BTRC: variants seen among roughly 807,000 people sequenced by gnomAD.
The protein encoded by BTRC is F-box/WD repeat-containing protein 1A.
BTRC carries 42 observed loss-of-function variants against 85.5 expected under a neutral mutation model. That is an observed-to-expected ratio of 0.49 (90% CI 0.38 to 0.64). BTRC has a LOEUF of 0.64. Among genes scored for constraint, BTRC ranks in the 30% least tolerant of loss-of-function variants. The pLI, the probability that BTRC is intolerant of heterozygous loss-of-function variation, is 0.00. For synonymous variants in BTRC, 255 were observed against 263.3 expected (o/e 0.97, Z 0.30); for missense variants, 594 against 743.5 (o/e 0.80, Z 2.34).
intron 13 of BTRC, among the ~76,000 whole-genome samples, chr10:101,545,306 A>G (rs2062541922): frequency 1.3e-5 from 2 of 152,196 alleles, no homozygotes; most frequent in Admixed American, 6.5e-5. Flanking sequence ...TGTCAGAGCA[A>G]TTTGAAGAAG....
intron 1 of BTRC, among the ~76,000 whole-genome samples, chr10:101,424,865 A>G (rs1944207004): frequency 6.6e-6 from 1 of 152,096 alleles, no homozygotes; most frequent in African/African-American, 2.4e-5. Flanking sequence ...GATATACTGC[A>G]CGATGCTGAG....
At chr10:101,387,262 T>TC (rs1257069423) in intron 1 of BTRC, among the ~76,000 whole-genome samples, 1 of 151,794 alleles carries the variant, frequency 6.6e-6, no homozygotes, top group East Asian at 1.9e-4. Context: ...GATATTGTGA[T>TC]ACATATAGTG....
At chr10:101,532,802 G>GCGCC in intron 8 of BTRC, 150 bp from the exon 9 acceptor site, 4 of 649,464 alleles carry the variant, frequency 6.2e-6, no homozygotes, top group Non-Finnish European at 1.1e-5. Flanking sequence ...GCGTGTGCGC[G>GCGCC]CGCGCGCGCT....
upstream of BTRC, chr10:101,354,064 G>A: frequency 1.6e-6 from 2 of 1,241,698 alleles, no homozygotes; most frequent in Non-Finnish European, 2.3e-6. Flanking sequence ...CTGCGCCTGA[G>A]AGGTAAGAGA....
intron 1 of BTRC, among the ~76,000 whole-genome samples, chr10:101,386,613 A>G (rs7074011): frequency 0.04 from 6,027 of 152,260 alleles, 396 homozygotes; most frequent in African/African-American, 0.14. Context: ...GTATTGTGGA[A>G]TACTTCTTCT....
At chr10:101,549,540 C>T (rs2062613713) in intron 13 of BTRC, among the ~76,000 whole-genome samples, 1 of 150,990 alleles carries the variant, frequency 6.6e-6, no homozygotes, top group Non-Finnish European at 1.5e-5. Context: ...CGATGAAACC[C>T]CGTCTCTACT....
chr10:101,481,660 C>T (rs946829986), intron 4 of BTRC, among the ~76,000 whole-genome samples: 6 of 151,972 alleles, frequency 3.9e-5, no homozygotes, highest in Admixed American at 1.3e-4. Context: ...TTCTTCCATG[C>T]TTTTGGATCT....
chr10:101,538,277 C>A lies in BTRC; in HGVS notation c.1578-16C>A, dbSNP rs768412071. ...TTGCTTTTAACTAACATTTTTGTCCCCTTTTTGATCTTTAGAAAAATTAAA... is the reference window on the plus strand; with the variant it reads ...TTGCTTTTAACTAACATTTTTGTCCACTTTTTGATCTTTAGAAAAATTAAA... On this transcript the variant is annotated splice_polypyrimidine_tract_variant and intron_variant, in intron 12 of 14. Transcript: ENST00000370187. 3 of 1,611,126 alleles carry A rather than the reference C, an allele frequency of 1.9e-6. No homozygotes were observed. In the South Asian group the frequency reaches 3.3e-5, roughly 18 times the overall value.
At chr10:101,376,726 A>G (rs1025050545) in intron 1 of BTRC, among the ~76,000 whole-genome samples, 2 of 152,186 alleles carry the variant, frequency 1.3e-5, no homozygotes, top group Non-Finnish European at 2.9e-5. Context: ...GATGTAATTC[A>G]GTACAATTAA....
intron 4 of BTRC, among the ~76,000 whole-genome samples, chr10:101,490,200 CCTCCCTTCTTCCCTCCCTCA>C (rs1302918998): frequency 4.0e-5 from 6 of 151,668 alleles, no homozygotes; most frequent in Non-Finnish European, 1.5e-5. Flanking sequence ...TCCCTTCCTT[CCTCCCTTCTTCCCTCCCTCA>C]CTCCCTCCTT....
chr10:101,457,254 G>A (rs1945106680), intron 2 of BTRC, among the ~76,000 whole-genome samples: 2 of 152,124 alleles, frequency 1.3e-5, no homozygotes, highest in South Asian at 4.1e-4. Context: ...AATGACCTAG[G>A]CATTGTGACA....
intron 2 of BTRC, among the ~76,000 whole-genome samples, chr10:101,433,037 A>G (rs963129118): frequency 2.0e-5 from 3 of 152,114 alleles, no homozygotes; most frequent in Non-Finnish European, 2.9e-5. Context: ...TCCAGTCGCT[A>G]AATCTCTCAG....
In BTRC at chr10:101,479,370, A is replaced by C. The variant is rs1322808860; in HGVS notation, c.237A>C (p.Thr79=). Residue 79 remains threonine, a splice_region_variant and synonymous_variant, in exon 4 of 15, where the codon ACA becomes ACC. Transcript: ENST00000370187. ...IIPEKNSLRQ[T]YNSCARLCLN... ...TTTCCAACAAATTCTCTTTACAGAC[A>C]TACAACAGCTGTGCCAGACTCTGCT... 1 of 1,611,652 alleles carries C rather than the reference A, an allele frequency of 6.2e-7. No homozygotes were observed. Among genetic ancestry groups the C allele is most frequent in the Non-Finnish European group, 8.5e-7 (1 of 1,178,244 alleles).
intron 13 of BTRC, among the ~76,000 whole-genome samples, chr10:101,541,263 C>CTT (rs1386801011): frequency 1.0e-5 from 1 of 97,476 alleles, no homozygotes; most frequent in Non-Finnish European, 1.9e-5. Flanking sequence ...TAGGGTTTTT[C>CTT]TCTTTTTTTT....
chr10:101,373,744 A>C (rs1942706830), intron 1 of BTRC, among the ~76,000 whole-genome samples: 1 of 152,016 alleles, frequency 6.6e-6, no homozygotes. Context: ...GATGAAACTC[A>C]GTCTTTACTA....
intron 6 of BTRC, among the ~76,000 whole-genome samples, chr10:101,527,778 TCTCTC>T (rs2062215494): frequency 2.1e-5 from 3 of 143,996 alleles, no homozygotes; most frequent in Non-Finnish European, 4.7e-5. Context: ...TCTCTCTCTC[TCTCTC>T]TCTCTCTCAC....
At chr10:101,422,950 G>A (rs538169363) in intron 1 of BTRC, among the ~76,000 whole-genome samples, 62 of 152,148 alleles carry the variant, frequency 4.1e-4, no homozygotes, top group African/African-American at 1.3e-3. Context: ...TTGGCAATGC[G>A]GGCTCTTTTT....
At chr10:101,455,983 A>ACACACACACACAC (rs1554881061) in intron 2 of BTRC, among the ~76,000 whole-genome samples, 50 of 96,038 alleles carry the variant, frequency 5.2e-4, no homozygotes, top group East Asian at 9.2e-4. Context: ...CTCTACTAAA[A>ACACACACACACAC]ACACACACAC....
At chr10:101,508,913 TAAAAAAAA>T (rs59998718) in intron 4 of BTRC, among the ~76,000 whole-genome samples, 4 of 101,930 alleles carry the variant, frequency 3.9e-5, no homozygotes, top group Middle Eastern at 5.7e-3. Flanking sequence ...GACTCCATCT[TAAAAAAAA>T]AAAAAAAAAA....
Sources: allele counts gnomAD v4.1 joint callset (sites outside exome capture counted in the v4.1 genomes callset), GRCh38; gene constraint gnomAD v4.1.1; transcripts MANE v1.5; gene names NCBI Gene and HGNC (gene_info 2026-07-23, HGNC 2026-07-21).